Variants in FGF14 observed in about 807,000 individuals in gnomAD.
FGF14 encodes the protein fibroblast growth factor 14, also known as fibroblast growth factor homologous factor 4.
Under a neutral mutation model 25.5 loss-of-function variants are expected in FGF14, and 5 were observed. That is an observed-to-expected ratio of 0.20 (90% CI 0.10 to 0.41). FGF14 has a LOEUF of 0.41. FGF14 is among the 10% of genes least tolerant of loss of function. The pLI is 1.00. For synonymous variants in FGF14, 138 were observed against 118.3 expected (o/e 1.17, Z -1.08); for missense variants, 222 against 320.1 (o/e 0.69, Z 2.34).
At chr13:102,059,583 A>G (rs963749097) in intron 1 of FGF14, among the ~76,000 whole-genome samples, 14 of 152,282 alleles carry the variant, frequency 9.2e-5, no homozygotes, top group African/African-American at 3.1e-4. Flanking sequence ...GGGCACAGTG[A>G]CTCACGCCTG....
chr13:102,363,565 G>A (rs921240696), intron 1 of FGF14, among the ~76,000 whole-genome samples: 7 of 152,160 alleles, frequency 4.6e-5, no homozygotes, highest in Non-Finnish European at 8.8e-5. Flanking sequence ...ACTGCATTCC[G>A]TTAGAAAAGG....
intron 1 of FGF14, among the ~76,000 whole-genome samples, chr13:102,010,281 C>A (rs553205368): frequency 9.2e-5 from 14 of 152,154 alleles, no homozygotes; most frequent in Non-Finnish European, 1.8e-4. Flanking sequence ...TCAACCCAAA[C>A]AGTTAAAATG....
At chr13:101,985,930 C>T (rs565984376) in intron 1 of FGF14, among the ~76,000 whole-genome samples, 61 of 152,184 alleles carry the variant, frequency 4.0e-4, no homozygotes, top group African/African-American at 1.4e-3. Flanking sequence ...TGCAAGTGTT[C>T]AGAAAACATC....
chr13:101,874,705 A>C (rs1377608546), intron 2 of FGF14, among the ~76,000 whole-genome samples: 2 of 152,104 alleles, frequency 1.3e-5, no homozygotes, highest in Non-Finnish European at 2.9e-5. Flanking sequence ...TCTATAAGAA[A>C]GTTTTTTTTG....
chr13:101,950,418 T>C (rs2036084467), intron 1 of FGF14, among the ~76,000 whole-genome samples: 1 of 152,218 alleles, frequency 6.6e-6, no homozygotes. Context: ...TGTGTTATTT[T>C]AATCTTCTTC....
intron 3 of FGF14, among the ~76,000 whole-genome samples, chr13:101,794,227 G>A (rs375752332): frequency 3.3e-5 from 5 of 151,992 alleles, no homozygotes; most frequent in South Asian, 4.2e-4. Context: ...TAACTACTGA[G>A]GCTCTCTGTA....
intron 3 of FGF14, among the ~76,000 whole-genome samples, chr13:101,737,605 A>G (rs943655923): frequency 6.6e-6 from 1 of 152,142 alleles, no homozygotes; most frequent in African/African-American, 2.4e-5. Context: ...ACAAAATGAC[A>G]TATTTTGGAA....
At chr13:102,230,242 G>A (rs776136173) in intron 1 of FGF14, among the ~76,000 whole-genome samples, 2 of 152,074 alleles carry the variant, frequency 1.3e-5, no homozygotes, top group Non-Finnish European at 2.9e-5. Context: ...TTTTATCTTG[G>A]ACTTCCCAGT....
chr13:101,856,738 T>A (rs1404212793), intron 3 of FGF14, among the ~76,000 whole-genome samples: 9 of 151,998 alleles, frequency 5.9e-5, no homozygotes, highest in Non-Finnish European at 1.3e-4. Context: ...ACTATACAAC[T>A]CTCAAAGGTA....
At chr13:101,759,635 C>T (rs1164037533) in intron 3 of FGF14, among the ~76,000 whole-genome samples, 2 of 152,138 alleles carry the variant, frequency 1.3e-5, no homozygotes, top group Non-Finnish European at 2.9e-5. Flanking sequence ...TTACATATGA[C>T]CTTCTTACTG....
At chr13:102,241,880 T>G (rs1566853916) in intron 1 of FGF14, among the ~76,000 whole-genome samples, 1 of 152,162 alleles carries the variant, frequency 6.6e-6, no homozygotes, top group Non-Finnish European at 1.5e-5. Context: ...CTACAAGCCA[T>G]GCAAGTTCTG....
chr13:102,104,892 C>T (rs758938383), intron 1 of FGF14, among the ~76,000 whole-genome samples: 7 of 152,132 alleles, frequency 4.6e-5, no homozygotes, highest in Non-Finnish European at 1.0e-4. Context: ...ACCATCCTTG[C>T]AGTAGTGCCC....
intron 1 of FGF14, among the ~76,000 whole-genome samples, chr13:102,223,742 C>T (rs1292483399): frequency 6.6e-6 from 1 of 152,148 alleles, no homozygotes; most frequent in South Asian, 2.1e-4. Flanking sequence ...AACGTTGCTA[C>T]CACAGTTTAC....
rs553814343 is a variant in FGF14 at position 102,019,271 on chromosome 13, AG to A, written c.209-143976del. On this transcript the variant is annotated intron_variant, in intron 1 of 4. Transcript: ENST00000376131. The stretch of plus-strand genomic sequence containing the variant: ...AGTAACTCTTGCCCTATCAGCCAGT[AG>A]GGTTTTAAGAATCACTTTCTTCTGC... Among the ~76,000 whole-genome samples the A allele has an allele frequency of 2.0e-4, 31 of 152,240 alleles. No homozygotes were observed. The South Asian group carries it at 6.4e-3, about 32-fold the overall frequency.
chr13:102,038,252 T>C (rs1054551899), intron 1 of FGF14, among the ~76,000 whole-genome samples: 7 of 152,096 alleles, frequency 4.6e-5, no homozygotes, highest in South Asian at 2.1e-4. Context: ...TATTCAAAAA[T>C]GGAAAGGGAA....
At chr13:101,904,566 T>C (rs1474468122) in intron 1 of FGF14, among the ~76,000 whole-genome samples, 1 of 152,216 alleles carries the variant, frequency 6.6e-6, no homozygotes, top group East Asian at 1.9e-4. Flanking sequence ...AAACGAATGT[T>C]CCTGGGGAGA....
intron 1 of FGF14, among the ~76,000 whole-genome samples, chr13:102,025,681 T>C (rs2040886910): frequency 6.6e-6 from 1 of 152,148 alleles, no homozygotes. Flanking sequence ...AGTGCTGCGA[T>C]TACAGGAGTG....
intron 1 of FGF14, among the ~76,000 whole-genome samples, chr13:101,878,929 T>G (rs1253289262): frequency 8.2e-6 from 1 of 121,688 alleles, no homozygotes; most frequent in African/African-American, 3.4e-5. Flanking sequence ...ATTTTTCTAG[T>G]AAACGTTAAA....
intron 1 of FGF14, among the ~76,000 whole-genome samples, chr13:102,036,003 AT>A (rs940124131): frequency 2.0e-5 from 3 of 152,138 alleles, no homozygotes; most frequent in African/African-American, 4.8e-5. Flanking sequence ...AGAAAGGTAA[AT>A]TTTTAACAGG....
Sources: allele counts gnomAD v4.1 joint callset (sites outside exome capture counted in the v4.1 genomes callset), GRCh38; gene constraint gnomAD v4.1.1; transcripts MANE v1.5; gene names NCBI Gene and HGNC (gene_info 2026-07-23, HGNC 2026-07-21).